Variants in APIP observed in about 807,000 individuals in gnomAD.
APIP encodes APAF1 interacting protein.
Under a neutral mutation model 32.0 loss-of-function variants are expected in APIP, and 32 were observed. The ratio of observed to expected loss-of-function variants is 1.00; its 90% CI spans 0.76 to 1.34. APIP has a LOEUF of 1.34. APIP is among the 40% of genes most tolerant of loss of function. The pLI is 0.00. For missense variants in APIP, 247 were observed against 298.6 expected (o/e 0.83, Z 1.27); for synonymous variants, 92 against 94.8 (o/e 0.97, Z 0.17).
Position 34,885,112 on chromosome 11 carries a change from T to C in APIP, c.462-1608A>G, listed in dbSNP as rs545569139. 2.1e-3 allele frequency among the ~76,000 whole-genome samples: 317 copies of C among 148,284 alleles called. 3 individuals are homozygous for C. Among genetic ancestry groups the C allele is most frequent in the African/African-American group, 7.4e-3 (301 of 40,812 alleles). The stretch of plus-strand genomic sequence containing the variant: ...TATGTATACATAGTATACATGTATA[T>C]TATATATATTATATATACCTATATA... On this transcript the variant is annotated intron_variant, in intron 5 of 6. Coordinates refer to ENST00000395787, the MANE Select transcript of APIP (RefSeq NM_015957.4).
chr11:34,883,467 T>C lies in APIP; in HGVS notation c.499A>G (p.Thr167Ala). The C allele has an allele frequency of 6.2e-7, 1 of 1,614,044 alleles. No individual in the cohort carries two copies. The highest frequency in any genetic ancestry group is 1.3e-5 in the African/African-American group (1 of 75,050). ...DMLVVPIIEN[T>A]PEEKDLKDRM... ...TCTTTGAGGTCTTTCTCCTCAGGTG[T>C]ATTCTCAATAATGGGTACCACTAAC... Residue 167 changes from threonine to alanine, a missense_variant, in exon 6 of 7, where the codon ACA becomes GCA. Transcript: ENST00000395787.
At chr11:34,897,498 ATTATT>A (rs1465525800) in intron 1 of APIP, among the ~76,000 whole-genome samples, 1 of 143,894 alleles carries the variant, frequency 6.9e-6, no homozygotes, top group Non-Finnish European at 1.5e-5. Context: ...TTATTAAGAA[ATTATT>A]TTAGACAGAG....
chr11:34,898,856 T>C (rs1192934015), intron 1 of APIP, among the ~76,000 whole-genome samples: 27 of 138,206 alleles, frequency 2.0e-4, no homozygotes, highest in Non-Finnish European at 4.1e-4. Flanking sequence ...TGGAGTGCAG[T>C]GACGTGATCT....
intron 1 of APIP, among the ~76,000 whole-genome samples, chr11:34,904,495 T>G (rs1253918477): frequency 6.6e-6 from 1 of 152,242 alleles, no homozygotes; most frequent in Non-Finnish European, 1.5e-5. Flanking sequence ...AATTAGGTCT[T>G]AGCCCTTTTG....
rs368305932 is a variant in APIP at position 34,895,154 on chromosome 11, C to T, written c.58-44G>A. On this transcript the variant is annotated intron_variant, in intron 1 of 6. Transcript: ENST00000395787. ...ATTTTTAAAACAGACATCATTTTAT[C>T]AAGTAACTATTCCAGCTGGTGTTTC... 1,194 of 1,527,732 alleles carry T rather than the reference C, an allele frequency of 7.8e-4. 18 individuals carry two copies. In the South Asian group the frequency reaches 0.013, roughly 16 times the overall value. 94.6% of individuals were successfully genotyped at this position (1,527,732 alleles called of 1,614,324 possible).
intron 2 of APIP, among the ~76,000 whole-genome samples, chr11:34,894,500 T>C (rs1470483186): frequency 7.8e-6 from 1 of 128,194 alleles, no homozygotes; most frequent in African/African-American, 2.8e-5. Context: ...CCAGAAAAAA[T>C]TAGCCAGGCG....
chr11:34,890,634 G>T, intron 2 of APIP, 82 bp from the exon 3 acceptor site: 1 of 1,435,686 alleles, frequency 7.0e-7, no homozygotes, highest in Non-Finnish European at 9.6e-7. Flanking sequence ...AATCATGCAT[G>T]TTCTTTATAA....
chr11:34,911,438 C>T (rs1391922162), intron 1 of APIP, among the ~76,000 whole-genome samples: 1 of 151,838 alleles, frequency 6.6e-6, no homozygotes, highest in Non-Finnish European at 1.5e-5. Context: ...CAGTGCTTTG[C>T]TCAATAAACG....
chr11:34,916,135 C>T (rs898669437), intron 1 of APIP, 93 bp downstream of exon 1: 136 of 1,507,542 alleles, frequency 9.0e-5, no homozygotes, highest in South Asian at 1.5e-4. Flanking sequence ...CAGCTAAACG[C>T]CCGGCCCGCT....
At chr11:34,890,760 GC>G in intron 2 of APIP, 1 of 413,572 alleles carries the variant, frequency 2.4e-6, no homozygotes, top group South Asian at 4.2e-5. Context: ...ATTAGTTGTT[GC>G]TTTTGTCTTC....
chr11:34,888,123 C>CGGAT (rs1853108645), intron 5 of APIP, among the ~76,000 whole-genome samples, 170 bp downstream of exon 5: 1 of 151,944 alleles, frequency 6.6e-6, no homozygotes, highest in African/African-American at 2.4e-5. Context: ...GGAGGGAAGA[C>CGGAT]ATCCCATTCG....
intron 5 of APIP, among the ~76,000 whole-genome samples, chr11:34,885,317 G>T (rs1853048352): frequency 6.7e-6 from 1 of 149,880 alleles, no homozygotes; most frequent in Non-Finnish European, 1.5e-5. Flanking sequence ...ACATATATAG[G>T]TATATACATA....
rs567476387 is a variant in APIP, at chr11:34,886,754, T to C, written c.461+1539A>G. On this transcript the variant is annotated intron_variant, in intron 5 of 6. Coordinates refer to ENST00000395787, the MANE Select transcript of APIP (RefSeq NM_015957.4). ...ACAAATACCTACCATTGTGTTGCAA[T>C]TGCCTACAGTACTTTGTACAGTAAC... 3.9e-5 allele frequency among the ~76,000 whole-genome samples: 6 copies of C among 152,344 alleles called. No homozygotes were observed. The East Asian group carries it at 5.8e-4, about 15-fold the overall frequency.
rs973865669 is a variant in APIP at position 34,890,714 on chromosome 11, A to C, written c.159-162T>G. The C allele has an allele frequency of 1.9e-4, 116 of 598,780 alleles. 2 individuals are homozygous for C. In the South Asian group the frequency reaches 2.6e-3, roughly 13 times the overall value. The allele number at this position is 598,780 out of a possible 1,614,324, so 37.1% of individuals were successfully genotyped here. ...CTGCATAGAAAGAAAGCCAAACTAC[A>C]TCAATGCCTTTGTAGTGCTGGTGGC... On this transcript the variant is annotated intron_variant, in intron 2 of 6. Coordinates refer to ENST00000395787, the MANE Select transcript of APIP (RefSeq NM_015957.4).
chr11:34,900,804 C>A (rs962297675), intron 1 of APIP, among the ~76,000 whole-genome samples: 33 of 152,054 alleles, frequency 2.2e-4, no homozygotes, highest in African/African-American at 7.5e-4. Flanking sequence ...AAAGGAAGCA[C>A]TTTTAAGGTG....
chr11:34,906,509 T>G (rs1315955805), intron 1 of APIP, among the ~76,000 whole-genome samples: 2 of 152,176 alleles, frequency 1.3e-5, no homozygotes, highest in African/African-American at 4.8e-5. Context: ...CCTTGAAAGA[T>G]CAGTACTTAC....
intron 5 of APIP, 68 bp downstream of exon 5, chr11:34,888,225 G>C: frequency 7.4e-7 from 1 of 1,358,838 alleles, no homozygotes; most frequent in South Asian, 1.4e-5. Flanking sequence ...AAAATGATCA[G>C]TATTCTATTT....
intron 1 of APIP, chr11:34,896,959 C>A (rs1853283160): frequency 6.9e-6 from 3 of 435,692 alleles, no homozygotes; most frequent in East Asian, 7.3e-5. Context: ...TTCAAGGTAA[C>A]AGTGAACAAA....
intron 1 of APIP, among the ~76,000 whole-genome samples, chr11:34,900,188 C>G (rs141070909): frequency 4.2e-4 from 64 of 152,328 alleles, no homozygotes; most frequent in African/African-American, 1.5e-3. Flanking sequence ...GAAACCCAGA[C>G]CTTTACAAGT....
Sources: gnomAD v4.1 joint callset for allele counts (sites outside exome capture counted in the v4.1 genomes callset) on GRCh38, gnomAD v4.1.1 for gene constraint, MANE v1.5 for transcripts, NCBI Gene and HGNC (gene_info 2026-07-23, HGNC 2026-07-21) for gene names.